ACACA: variants seen among roughly 807,000 people sequenced by gnomAD.
ACACA encodes acetyl-CoA carboxylase alpha.
A neutral mutation model predicts 296.1 loss-of-function variants in ACACA; 103 were observed. That is an observed-to-expected ratio of 0.35 (90% CI 0.30 to 0.41). ACACA has a LOEUF of 0.41. ACACA is among the 10% of genes least tolerant of loss of function. ACACA has a pLI of 1.00. For missense variants in ACACA, 1,554 were observed against 2,989.7 expected (o/e 0.52, Z 11.20); for synonymous variants, 953 against 1,038.6 (o/e 0.92, Z 1.58).
chr17:37,305,272 T>G (rs1473164640), intron 3 of ACACA, among the ~76,000 whole-genome samples: 1 of 152,258 alleles, frequency 6.6e-6, no homozygotes, highest in East Asian at 1.9e-4. Context: ...TAGTTTGTTT[T>G]TTTCTTTCTT....
intron 11 of ACACA, among the ~76,000 whole-genome samples, chr17:37,260,288 ATATATATATTTT>A (rs2081433163): frequency 4.2e-5 from 1 of 24,042 alleles, no homozygotes; most frequent in African/African-American, 1.9e-4. Context: ...ATATATATAT[ATATATATATTTT>A]TTTTTTTTTT....
intron 1 of ACACA, among the ~76,000 whole-genome samples, chr17:37,350,931 C>G (rs975638275): frequency 2.6e-5 from 4 of 151,344 alleles, no homozygotes; most frequent in Admixed American, 1.3e-4. Context: ...TCGGGAGTTC[C>G]GGACCAGCGT....
chr17:37,098,004 C>A lies in ACACA; in HGVS notation c.6566-20G>T. On this transcript the variant is annotated intron_variant, in intron 52 of 55. Coordinates refer to ENST00000616317, the MANE Select transcript of ACACA (RefSeq NM_198834.3). ...GGGTCCCTGCAATTAGATAAACATG[C>A]CCGTCACACTCTGTAATGACCAGGA... is the stretch of plus-strand genomic sequence containing the variant. 1 of 1,614,172 alleles carries A rather than the reference C, an allele frequency of 6.2e-7. No homozygotes were observed. Among genetic ancestry groups the A allele is most frequent in the East Asian group, 2.2e-5 (1 of 44,884 alleles).
chr17:37,397,591 T>A (rs1022696660), intron 1 of ACACA, among the ~76,000 whole-genome samples: 2 of 152,114 alleles, frequency 1.3e-5, no homozygotes, highest in African/African-American at 4.8e-5. Context: ...TTAGACTTAT[T>A]TTCCCTCATA....
At chr17:37,337,112 T>A (rs2048155464) in intron 2 of ACACA, among the ~76,000 whole-genome samples, 2 of 152,186 alleles carry the variant, frequency 1.3e-5, no homozygotes, top group Admixed American at 1.3e-4. Flanking sequence ...CATTAATCTA[T>A]GCTTTCACAA....
rs1311748224 is a variant in ACACA, at chr17:37,400,308, TG to T, written c.38+5953del. ...CTAATTTTTGTATTTTTAGTAGAGA[TG>T]GGGTTTCACCATGTGGGCCAGGCTG... On this transcript the variant is annotated intron_variant, in intron 1 of 55. Transcript: ENST00000616317. 2.0e-5 allele frequency among the ~76,000 whole-genome samples: 3 copies of T among 152,006 alleles called. No individual in the cohort carries two copies. The East Asian group carries it at 5.8e-4, about 29-fold the overall frequency.
intron 35 of ACACA, among the ~76,000 whole-genome samples, chr17:37,196,499 G>A (rs1212752792): frequency 6.6e-6 from 1 of 151,724 alleles, no homozygotes; most frequent in Non-Finnish European, 1.5e-5. Flanking sequence ...ATTAACAGAT[G>A]TAAAACTGTT....
At chr17:37,395,345 G>A (rs1026698776) in intron 1 of ACACA, among the ~76,000 whole-genome samples, 27 of 151,202 alleles carry the variant, frequency 1.8e-4, no homozygotes, top group Non-Finnish European at 3.4e-4. Context: ...CAGGAGAATC[G>A]CTTGAACTCA....
chr17:37,399,436 C>T (rs1375990723), intron 1 of ACACA, among the ~76,000 whole-genome samples: 3 of 152,200 alleles, frequency 2.0e-5, no homozygotes, highest in African/African-American at 7.2e-5. Context: ...AGAGTATAGA[C>T]TGCCTGTCAC....
At chr17:37,221,610 T>C in intron 29 of ACACA, 114 bp downstream of exon 29, 1 of 926,000 alleles carries the variant, frequency 1.1e-6, no homozygotes, top group Non-Finnish European at 1.8e-6. Context: ...TATTGTTCAT[T>C]TTTTGCCCTA....
At chr17:37,370,010 CT>C (rs374109607) in intron 1 of ACACA, among the ~76,000 whole-genome samples, 78,097 of 128,696 alleles carry the variant, frequency 0.61, 25,204 homozygotes, top group East Asian at 0.97. Context: ...CTGGCCCCTC[CT>C]TTTTTTTTTT....
At chr17:37,195,580 G>C (rs1052669793) in intron 35 of ACACA, among the ~76,000 whole-genome samples, 1 of 151,788 alleles carries the variant, frequency 6.6e-6, no homozygotes, top group Admixed American at 6.6e-5. Flanking sequence ...CTCAATTTAA[G>C]TATTAAACAT....
At chr17:37,402,329 G>A (rs374618103) in intron 1 of ACACA, among the ~76,000 whole-genome samples, 1 of 152,038 alleles carries the variant, frequency 6.6e-6, no homozygotes, top group East Asian at 1.9e-4. Context: ...CAGTACCTTG[G>A]CAAAAAAAAC....
At chr17:37,344,602 T>C (rs2147380577) in intron 1 of ACACA, among the ~76,000 whole-genome samples, 1 of 151,864 alleles carries the variant, frequency 6.6e-6, no homozygotes, top group Non-Finnish European at 1.5e-5. Flanking sequence ...TAAAAAGGCA[T>C]AACCCACAAA....
intron 1 of ACACA, among the ~76,000 whole-genome samples, chr17:37,344,149 CCAGGTGTGGTGGTT>C (rs1302564501): frequency 1.3e-5 from 2 of 151,838 alleles, no homozygotes; most frequent in East Asian, 3.8e-4. Flanking sequence ...AACCTCTAGG[CCAGGTGTGGTGGTT>C]CACACCTGTA....
intron 1 of ACACA, among the ~76,000 whole-genome samples, chr17:37,372,730 T>A (rs2049854017): frequency 6.6e-6 from 1 of 152,200 alleles, no homozygotes; most frequent in African/African-American, 2.4e-5. Flanking sequence ...AAATTTGATG[T>A]TTTTGTTGTG....
At chr17:37,247,238 C>T (rs1315873862) in intron 18 of ACACA, among the ~76,000 whole-genome samples, 2 of 152,160 alleles carry the variant, frequency 1.3e-5, no homozygotes, top group Non-Finnish European at 2.9e-5. Flanking sequence ...AAAAAACACA[C>T]ACAAAGATAT....
intron 28 of ACACA, among the ~76,000 whole-genome samples, chr17:37,222,281 T>A (rs1292299896): frequency 1.3e-5 from 2 of 152,178 alleles, no homozygotes; most frequent in African/African-American, 4.8e-5. Flanking sequence ...ACAGTACAGT[T>A]CAACTCTTTT....
intron 1 of ACACA, among the ~76,000 whole-genome samples, chr17:37,394,313 C>T (rs151218899): frequency 1.8e-4 from 27 of 151,718 alleles, no homozygotes; most frequent in African/African-American, 5.6e-4. Flanking sequence ...CGGGTTCAAA[C>T]TATTCTCGTG....
Sources: gnomAD v4.1 joint callset for allele counts (sites outside exome capture counted in the v4.1 genomes callset) on GRCh38, gnomAD v4.1.1 for gene constraint, MANE v1.5 for transcripts, NCBI Gene and HGNC (gene_info 2026-07-23, HGNC 2026-07-21) for gene names.